Variants in SPRED1 observed in about 807,000 individuals in gnomAD.
SPRED1 encodes sprouty-related, EVH1 domain-containing protein 1.
SPRED1 carries 18 observed loss-of-function variants against 52.3 expected under a neutral mutation model. That is an observed-to-expected ratio of 0.34 (90% CI 0.24 to 0.51). The LOEUF is 0.51. SPRED1 is among the 20% of genes least tolerant of loss of function. SPRED1 has a pLI of 0.97. For synonymous variants in SPRED1, 155 were observed against 179.7 expected, an observed-to-expected ratio of 0.86 and a Z score of 1.10; for missense variants, 485 against 551.0, an observed-to-expected ratio of 0.88 and a Z score of 1.20.
intron 4 of SPRED1, 146 bp downstream of exon 4, chr15:38,324,955 T>C: frequency 1.4e-6 from 1 of 739,932 alleles, no homozygotes; most frequent in Non-Finnish European, 2.3e-6. Context: ...CCAATACAGG[T>C]TGAGCATCCC....
intron 1 of SPRED1, among the ~76,000 whole-genome samples, chr15:38,290,876 A>G (rs900731071): frequency 2.0e-5 from 3 of 152,152 alleles, no homozygotes; most frequent in African/African-American, 7.2e-5. Context: ...CAGCTACCCC[A>G]TATCATTCTG....
At chr15:38,336,416 G>GTGTA (rs558164323) in intron 4 of SPRED1, among the ~76,000 whole-genome samples, 28 of 24,914 alleles carry the variant, frequency 1.1e-3, no homozygotes, top group Non-Finnish European at 2.7e-3. Flanking sequence ...GTATGTGTAT[G>GTGTA]TGTGTGTATA....
intron 1 of SPRED1, among the ~76,000 whole-genome samples, chr15:38,269,509 A>G (rs530131300): frequency 6.6e-6 from 1 of 152,300 alleles, no homozygotes; most frequent in East Asian, 1.9e-4. Context: ...AGCCTCCCAG[A>G]GTGCTGAGAT....
chr15:38,324,535 C>T (rs972041750), intron 3 of SPRED1, among the ~76,000 whole-genome samples: 2 of 152,056 alleles, frequency 1.3e-5, no homozygotes, highest in East Asian at 1.9e-4. Context: ...GAAAACATCT[C>T]GTTAGTAAGC....
At position 38,299,536 on chromosome 15, in the gene SPRED1, A is replaced by C. The variant is rs751923342; in HGVS notation, c.196A>C (p.Arg66=). 1 of 1,613,796 alleles carries C rather than the reference A, an allele frequency of 6.2e-7. No homozygotes were observed. Among genetic ancestry groups the C allele is most frequent in the African/African-American group, 1.3e-5 (1 of 74,910 alleles). Residue 66 remains arginine (R), a synonymous_variant, in exon 2 of 7, where the codon AGG becomes CGG. Coordinates refer to ENST00000299084, the MANE Select transcript of SPRED1 (RefSeq NM_152594.3). ...CTTTTTTATCCGTGGAGAGCGACTC[A>C]GGGACAAAATGGTAATGAATAATGT... The part of the protein sequence containing the change: ...ADFFIRGERL[R]DKMVVLECML...
chr15:38,309,550 T>C (rs1412067043), intron 2 of SPRED1, among the ~76,000 whole-genome samples: 1 of 152,228 alleles, frequency 6.6e-6, no homozygotes, highest in Non-Finnish European at 1.5e-5. Context: ...AGCTTGTCTT[T>C]TCATCTTCTG....
At chr15:38,283,612 A>T (rs1273821205) in intron 1 of SPRED1, 1 of 597,130 alleles carries the variant, frequency 1.7e-6, no homozygotes, top group Non-Finnish European at 2.1e-6. Flanking sequence ...ATTTACTTCA[A>T]ATATTCTTAT....
chr15:38,311,890 T>C (rs1895374513), intron 2 of SPRED1, among the ~76,000 whole-genome samples: 1 of 152,100 alleles, frequency 6.6e-6, no homozygotes, highest in South Asian at 2.1e-4. Flanking sequence ...TTTTCAATTT[T>C]ATTTCTGTTG....
chr15:38,271,749 T>G (rs1358908555), intron 1 of SPRED1, among the ~76,000 whole-genome samples: 5 of 152,212 alleles, frequency 3.3e-5, no homozygotes, highest in African/African-American at 1.2e-4. Context: ...AATTATTTCA[T>G]TAAAAAAATT....
At chr15:38,326,606 G>A (rs969356007) in intron 4 of SPRED1, among the ~76,000 whole-genome samples, 1 of 152,190 alleles carries the variant, frequency 6.6e-6, no homozygotes, top group African/African-American at 2.4e-5. Flanking sequence ...ATGTCACTTA[G>A]CAGAAGTTTA....
At position 38,253,156 on chromosome 15, in the gene SPRED1, A is replaced by G. The variant is rs564526874; in HGVS notation, c.-30A>G. On this transcript the variant is annotated 5_prime_UTR_variant, in exon 1 of 7. Transcript: ENST00000299084. Reference sequence around the variant, plus strand: ...CTCCCCCGCCTGCTGTTGCTCCTCCATCTCCAGATCGGATCACGGTGAGGG... The same window carrying G: ...CTCCCCCGCCTGCTGTTGCTCCTCCGTCTCCAGATCGGATCACGGTGAGGG... The G allele has an allele frequency of 5.1e-6, 8 of 1,567,132 alleles. No homozygotes were observed. The East Asian group carries it at 1.4e-4, about 28-fold the overall frequency.
intron 4 of SPRED1, among the ~76,000 whole-genome samples, chr15:38,338,888 GA>G (rs1355398889): frequency 6.6e-6 from 1 of 151,874 alleles, no homozygotes; most frequent in East Asian, 1.9e-4. Context: ...CTTTTAAAAA[GA>G]AAAGCTTATG....
At chr15:38,301,068 C>T (rs1310893962) in intron 2 of SPRED1, among the ~76,000 whole-genome samples, 1 of 151,812 alleles carries the variant, frequency 6.6e-6, no homozygotes, top group African/African-American at 2.4e-5. Flanking sequence ...ATTATAAGAA[C>T]AAGGAAAGGA....
chr15:38,298,523 A>G, intron 1 of SPRED1: 1 of 321,996 alleles, frequency 3.1e-6, no homozygotes. Context: ...AAAAAAATTA[A>G]CTTCTGGTAC....
chr15:38,331,316 G>C (rs528266436), intron 4 of SPRED1, among the ~76,000 whole-genome samples: 1 of 152,088 alleles, frequency 6.6e-6, no homozygotes, highest in East Asian at 1.9e-4. Context: ...TGTATTTACA[G>C]TCTTTGTGCC....
chr15:38,297,245 T>C (rs566824841), intron 1 of SPRED1, among the ~76,000 whole-genome samples: 2 of 152,388 alleles, frequency 1.3e-5, no homozygotes, highest in South Asian at 4.1e-4. Flanking sequence ...AAATTACTAT[T>C]CAAATATGAT....
intron 1 of SPRED1, among the ~76,000 whole-genome samples, chr15:38,261,664 C>G (rs1473382655): frequency 6.6e-6 from 1 of 152,150 alleles, no homozygotes; most frequent in Non-Finnish European, 1.5e-5. Context: ...AGCTCCGCCT[C>G]CTGGGTTCAC....
At chr15:38,289,239 A>AG (rs397769877) in intron 1 of SPRED1, among the ~76,000 whole-genome samples, 2 of 150,822 alleles carry the variant, frequency 1.3e-5, no homozygotes, top group African/African-American at 4.9e-5. Flanking sequence ...GAAAAAAAAA[A>AG]GGTAATCTCT....
intron 5 of SPRED1, among the ~76,000 whole-genome samples, chr15:38,347,353 C>G (rs1595761305): frequency 6.6e-6 from 1 of 151,464 alleles, no homozygotes; most frequent in African/African-American, 2.4e-5. Flanking sequence ...TCTGATGTCT[C>G]TAATCTAAAT....
Sources: allele counts gnomAD v4.1 joint callset (sites outside exome capture counted in the v4.1 genomes callset), GRCh38; gene constraint gnomAD v4.1.1; transcripts MANE v1.5; gene names NCBI Gene and HGNC (gene_info 2026-07-23, HGNC 2026-07-21).